Variants in AFDN observed in about 807,000 individuals in gnomAD.
AFDN encodes afadin, adherens junction formation factor.
In AFDN, 68 loss-of-function variants were observed where a neutral mutation model predicts 216.6. That is an observed-to-expected ratio of 0.31 (90% CI 0.26 to 0.38). The LOEUF (loss-of-function observed/expected upper bound fraction) is 0.38, where lower values mean the gene tolerates loss of function less well. AFDN is among the 10% of genes least tolerant of loss of function. AFDN has a pLI of 1.00. For synonymous variants in AFDN, 868 were observed against 853.7 expected (o/e 1.02, Z -0.29); for missense variants, 2,136 against 2,342.0 (o/e 0.91, Z 1.82).
chr6:167,855,711 G>T (rs1414451830), intron 1 of AFDN, among the ~76,000 whole-genome samples: 2 of 152,088 alleles, frequency 1.3e-5, no homozygotes, highest in Non-Finnish European at 2.9e-5. Context: ...TTAGACTCCA[G>T]TGGTCACTTA....
intron 7 of AFDN, among the ~76,000 whole-genome samples, 157 bp from the exon 8 acceptor site, chr6:167,890,705 A>G (rs1294043678): frequency 1.3e-5 from 2 of 152,074 alleles, no homozygotes; most frequent in East Asian, 3.9e-4. Flanking sequence ...TGTTGAGTGA[A>G]AGTATGAATT....
At chr6:167,861,805 A>T (rs1257646165) in intron 1 of AFDN, among the ~76,000 whole-genome samples, 2 of 152,212 alleles carry the variant, frequency 1.3e-5, no homozygotes, top group African/African-American at 2.4e-5. Flanking sequence ...TTCTCAGGGA[A>T]ACTGGTGCTT....
intron 1 of AFDN, among the ~76,000 whole-genome samples, chr6:167,833,399 T>C (rs1009406770): frequency 6.6e-6 from 1 of 152,154 alleles, no homozygotes; most frequent in Non-Finnish European, 1.5e-5. Context: ...GTTTGTTGTT[T>C]GGGGGGTGTT....
At chr6:167,860,795 T>A (rs1055899208) in intron 1 of AFDN, among the ~76,000 whole-genome samples, 8 of 152,304 alleles carry the variant, frequency 5.3e-5, no homozygotes, top group Admixed American at 2.6e-4. Context: ...GAGTCCCTCG[T>A]GAGCAGGAAG....
At chr6:167,942,575 T>G (rs1794824043) in intron 23 of AFDN, among the ~76,000 whole-genome samples, 1 of 152,232 alleles carries the variant, frequency 6.6e-6, no homozygotes, top group African/African-American at 2.4e-5. Flanking sequence ...AACAGAATTT[T>G]ATTCTTTCAT....
At chr6:167,857,813 T>A (rs1783073893) in intron 1 of AFDN, among the ~76,000 whole-genome samples, 1 of 152,152 alleles carries the variant, frequency 6.6e-6, no homozygotes, top group East Asian at 1.9e-4. Context: ...TGTAGTCCTT[T>A]GAGAACCAAC....
chr6:167,964,373 A>G, intron 31 of AFDN: 1 of 1,064,508 alleles, frequency 9.4e-7, no homozygotes, highest in East Asian at 5.0e-5. Context: ...TCTTCATGTT[A>G]ATACTAAGAT....
chr6:167,866,310 C>T (rs1784179496), intron 2 of AFDN, among the ~76,000 whole-genome samples: 1 of 152,204 alleles, frequency 6.6e-6, no homozygotes, highest in African/African-American at 2.4e-5. Context: ...TACCCTTCCA[C>T]ACCTTTGGGC....
chr6:167,969,647 A>T (rs1797884146), intron 33 of AFDN, 135 bp from the exon 34 acceptor site: 2 of 803,686 alleles, frequency 2.5e-6, no homozygotes, highest in East Asian at 5.7e-5. Context: ...TGTGATTTCG[A>T]TTATAAGAAA....
intron 6 of AFDN, among the ~76,000 whole-genome samples, chr6:167,888,991 A>G (rs1289376188): frequency 6.6e-6 from 1 of 152,050 alleles, no homozygotes; most frequent in Non-Finnish European, 1.5e-5. Context: ...CTTTTTAGGG[A>G]CCAGGTGATT....
Position 167,880,431 on chromosome 6 carries a change from A to G in AFDN, c.811A>G (p.Thr271Ala). Residue 271 changes from threonine (T) to alanine (A), a missense_variant, in exon 6 of 34, where the codon ACA becomes GCA. Around this residue, in one of 8 missense-constraint regions of AFDN, gnomAD observed 817 missense variants for 965.7 expected, o/e 0.85. Transcript: ENST00000683244. ...IPYKTILLST[T>A]DPADFAVAEA... ...CTACAAGACAATCCTGCTGTCTACT[A>G]CAGATCCTGCAGACTTTGCTGTGGC... 1.9e-6 allele frequency: 3 copies of G among 1,613,794 alleles called. No homozygotes were observed. Among genetic ancestry groups the G allele is most frequent in the Non-Finnish European group, 2.5e-6 (3 of 1,179,708 alleles).
At chr6:167,827,293 G>GCCCCT (rs1461152826) in intron 1 of AFDN, 56 bp downstream of exon 1, 10 of 706,744 alleles carry the variant, frequency 1.4e-5, no homozygotes, top group Non-Finnish European at 1.7e-5. Flanking sequence ...GCCGCGCCCC[G>GCCCCT]CCCCTCCCCC....
chr6:167,845,687 T>A (rs1314209354), intron 1 of AFDN, among the ~76,000 whole-genome samples: 1 of 152,220 alleles, frequency 6.6e-6, no homozygotes, highest in Non-Finnish European at 1.5e-5. Flanking sequence ...AAATGAATAT[T>A]TCTTAATACT....
Position 167,827,094 on chromosome 6 carries a change from G to A in AFDN, c.-39G>A. On this transcript the variant is annotated 5_prime_UTR_variant, in exon 1 of 34. Transcript: ENST00000683244. ...CCTGTCGTCCTCGGCCCGTCCTCCG[G>A]CCCCGGCCCCGCGCGGCTGAGGAGG... is the stretch of plus-strand genomic sequence containing the variant. The A allele has an allele frequency of 2.6e-6, 3 of 1,147,986 alleles. No individual in the cohort carries two copies. The highest frequency in any genetic ancestry group is 1.6e-5 in the South Asian group (1 of 62,170). 71.1% of individuals were successfully genotyped at this position (1,147,986 alleles called of 1,614,324 possible).
At chr6:167,868,761 TC>T (rs1437080128) in intron 2 of AFDN, among the ~76,000 whole-genome samples, 1,194 of 72,658 alleles carry the variant, frequency 0.016, 26 homozygotes, top group African/African-American at 0.053. Flanking sequence ...CATTGTGCAA[TC>T]TTTTTTTTTT....
At chr6:167,927,864 A>G (rs570833298) in intron 23 of AFDN, among the ~76,000 whole-genome samples, 2 of 152,210 alleles carry the variant, frequency 1.3e-5, no homozygotes, top group African/African-American at 2.4e-5. Flanking sequence ...CCATAGAGCT[A>G]TGTTTTCTCT....
At chr6:167,955,298 TC>T (rs35912366) in intron 30 of AFDN, among the ~76,000 whole-genome samples, 1 of 151,884 alleles carries the variant, frequency 6.6e-6, no homozygotes, top group Non-Finnish European at 1.5e-5. Context: ...CCCTTTTCCT[TC>T]CCCCCTCAGT....
chr6:167,945,035 A>G (rs569298812), intron 26 of AFDN, among the ~76,000 whole-genome samples: 7 of 152,062 alleles, frequency 4.6e-5, no homozygotes. Flanking sequence ...ACTTTACTAC[A>G]TAAAATTTTA....
chr6:167,893,203 C>G (rs1787828567), intron 8 of AFDN, among the ~76,000 whole-genome samples: 1 of 152,150 alleles, frequency 6.6e-6, no homozygotes, highest in African/African-American at 2.4e-5. Flanking sequence ...CAGGGTCTTC[C>G]CTGCACCAAA....
Sources: allele counts gnomAD v4.1 joint callset (sites outside exome capture counted in the v4.1 genomes callset), GRCh38; gene constraint gnomAD v4.1.1; regional missense constraint gnomAD v4.1.1; transcripts MANE v1.5; gene names NCBI Gene and HGNC (gene_info 2026-07-23, HGNC 2026-07-21).